LRRC7: variants seen among roughly 807,000 people sequenced by gnomAD.
LRRC7 encodes the protein leucine-rich repeat-containing protein 7.
A neutral mutation model predicts 175.7 loss-of-function variants in LRRC7; 23 were observed. That is an observed-to-expected ratio of 0.13 (90% CI 0.09 to 0.19). LRRC7 has a LOEUF of 0.19. Ranked by LOEUF, LRRC7 falls within the 10% of genes least tolerant of loss-of-function variation. LRRC7 has a pLI of 1.00. For synonymous variants in LRRC7, 685 were observed against 680.9 expected, an observed-to-expected ratio of 1.01 and a Z score of -0.09; for missense variants, 1,354 against 1,904.7, an observed-to-expected ratio of 0.71 and a Z score of 5.38.
chr1:69,682,145 G>T (rs772993083), intron 2 of LRRC7, among the ~76,000 whole-genome samples: 10 of 152,066 alleles, frequency 6.6e-5, no homozygotes, highest in Non-Finnish European at 5.9e-5. Context: ...GACTCCAGAA[G>T]CTCCTTGCTG....
intron 1 of LRRC7, among the ~76,000 whole-genome samples, chr1:69,643,899 T>A (rs921114583): frequency 3.9e-5 from 6 of 151,962 alleles, no homozygotes; most frequent in Non-Finnish European, 5.9e-5. Flanking sequence ...TCCCTAAATG[T>A]CCTAAATTAA....
intron 8 of LRRC7, among the ~76,000 whole-genome samples, chr1:69,973,928 A>C (rs1652541265): frequency 6.6e-6 from 1 of 152,198 alleles, no homozygotes; most frequent in Non-Finnish European, 1.5e-5. Flanking sequence ...GAGAAAAAAC[A>C]CTGCAGCTGT....
At chr1:69,786,624 C>T (rs937456159) in intron 3 of LRRC7, among the ~76,000 whole-genome samples, 1 of 152,172 alleles carries the variant, frequency 6.6e-6, no homozygotes, top group African/African-American at 2.4e-5. Context: ...AAAGGCACAT[C>T]TCACATGCTG....
At chr1:69,974,926 C>A (rs1652653908) in intron 8 of LRRC7, among the ~76,000 whole-genome samples, 1 of 152,162 alleles carries the variant, frequency 6.6e-6, no homozygotes, top group Admixed American at 6.5e-5. Flanking sequence ...AAGACCTGAG[C>A]AGCAATATCA....
chr1:69,740,057 T>G (rs1205234799), intron 2 of LRRC7, among the ~76,000 whole-genome samples: 2 of 152,136 alleles, frequency 1.3e-5, no homozygotes, highest in East Asian at 3.9e-4. Flanking sequence ...GGTTAGAGGT[T>G]CTACTATATG....
At position 70,141,352 on chromosome 1, in the gene LRRC7, C is replaced by CTCTG. The variant is rs1667055324; in HGVS notation, c.*19469_*19472dup. ...TAGCTTCATGCAGACTTTGGCCCAACTCTGTCTACAAATACTTTTGCAAAT... is the reference window on the plus strand; with the variant it reads ...TAGCTTCATGCAGACTTTGGCCCAACTCTGTCTGTCTACAAATACTTTTGCAAAT... On this transcript the variant is annotated 3_prime_UTR_variant, in exon 27 of 27. Transcript: ENST00000651989. 1 of 152,124 alleles carries CTCTG rather than the reference C, an allele frequency of 6.6e-6. No homozygotes were observed. Among genetic ancestry groups the CTCTG allele is most frequent in the Non-Finnish European group, 1.5e-5 (1 of 67,996 alleles). 9.4% of individuals were successfully genotyped at this position (152,124 alleles called of 1,614,324 possible).
Position 70,132,457 on chromosome 1 carries a change from C to CTTTTTTTTTTTTT in LRRC7, c.*10584_*10596dup, listed in dbSNP as rs149091576. On this transcript the variant is annotated 3_prime_UTR_variant, in exon 27 of 27. Transcript: ENST00000651989. ...TTTCTTTTTTCTTTTCTTTTCTTTTCTTTTTTTTTTTTTTTTTTTTTTTTT... is the reference window on the plus strand; with the variant it reads ...TTTCTTTTTTCTTTTCTTTTCTTTTCTTTTTTTTTTTTTTTTTTTTTTTTTTTTTTTTTTTTTT... Among the ~76,000 whole-genome samples, 4 of 76,450 alleles carry CTTTTTTTTTTTTT rather than the reference C, an allele frequency of 5.2e-5. No homozygotes were observed. Among genetic ancestry groups the CTTTTTTTTTTTTT allele is most frequent in the Admixed American group, 2.0e-4 (1 of 4,956 alleles). The allele number at this position is 76,450 out of a possible 152,430, so 50.2% of individuals were successfully genotyped here.
At position 70,134,126 on chromosome 1, in the gene LRRC7, T is replaced by C. The variant is rs575109521; in HGVS notation, c.*12239T>C. Among the ~76,000 whole-genome samples the C allele has an allele frequency of 2.0e-5, 3 of 152,306 alleles. No homozygotes were observed. In the East Asian group the frequency reaches 5.8e-4, roughly 29 times the overall value. On this transcript the variant is annotated 3_prime_UTR_variant, in exon 27 of 27. Transcript: ENST00000651989. ...ATGAGTAATCAGCATAATATGACAATCAGATTTTATTTTATTATGAAGTGA... is the reference window on the plus strand; with the variant it reads ...ATGAGTAATCAGCATAATATGACAACCAGATTTTATTTTATTATGAAGTGA...
intron 2 of LRRC7, among the ~76,000 whole-genome samples, chr1:69,678,815 A>G (rs1373174583): frequency 6.6e-6 from 1 of 152,096 alleles, no homozygotes; most frequent in African/African-American, 2.4e-5. Context: ...AAGTAAAGAA[A>G]CTTTTGAAAT....
At chr1:69,896,847 G>A (rs1405790750) in intron 7 of LRRC7, among the ~76,000 whole-genome samples, 1 of 152,062 alleles carries the variant, frequency 6.6e-6, no homozygotes, top group Non-Finnish European at 1.5e-5. Flanking sequence ...ACCCTTAGAT[G>A]AATACTATAA....
chr1:69,680,721 T>TA lies in LRRC7; in HGVS notation c.100+2247dup, dbSNP rs754916950. On this transcript the variant is annotated intron_variant, in intron 2 of 26. Transcript: ENST00000651989. ...AATGGAAGCAACATATCATGGTAGT[T>TA]AAAACTATTAACTTTAGAGACACAT... Among the ~76,000 whole-genome samples, 62 of 151,874 alleles carry TA rather than the reference T, an allele frequency of 4.1e-4. 1 individual carries two copies. The Middle Eastern group carries it at 0.02, about 50-fold the overall frequency.
At position 70,071,657 on chromosome 1, in the gene LRRC7, C is replaced by T. The variant is rs576079801; in HGVS notation, c.4231-4420C>T. On this transcript the variant is annotated intron_variant, in intron 23 of 26. Coordinates refer to ENST00000651989, the MANE Select transcript of LRRC7 (RefSeq NM_001370785.2). Reference sequence around the variant, plus strand: ...CTTTGGAGATGATTCTGCTTCCAGACATTTTAAGAACTCTTTTGGATTTAA... The same window carrying T: ...CTTTGGAGATGATTCTGCTTCCAGATATTTTAAGAACTCTTTTGGATTTAA... 1.6e-4 allele frequency among the ~76,000 whole-genome samples: 25 copies of T among 152,222 alleles called. No individual in the cohort carries two copies. In the South Asian group the frequency reaches 5.0e-3, roughly 30 times the overall value.
chr1:69,651,099 G>A (rs1387276271), intron 1 of LRRC7, among the ~76,000 whole-genome samples: 3 of 152,184 alleles, frequency 2.0e-5, no homozygotes. Flanking sequence ...TGACATGCTG[G>A]AGGTACCATA....
intron 3 of LRRC7, among the ~76,000 whole-genome samples, chr1:69,763,982 T>C (rs17097452): frequency 0.058 from 8,894 of 152,082 alleles, 322 homozygotes; most frequent in South Asian, 0.12. Context: ...TAAGATGTTA[T>C]GTAATACAAT....
chr1:69,810,263 A>T (rs1303962068), intron 4 of LRRC7, among the ~76,000 whole-genome samples: 1 of 152,194 alleles, frequency 6.6e-6, no homozygotes, highest in Non-Finnish European at 1.5e-5. Context: ...CTGCTCAAGG[A>T]AATAAGAGAG....
rs551673757 is a variant in LRRC7 at position 70,143,962 on chromosome 1, A to T, written c.*22075A>T. On this transcript the variant is annotated 3_prime_UTR_variant, in exon 27 of 27. Coordinates refer to ENST00000651989, the MANE Select transcript of LRRC7 (RefSeq NM_001370785.2). ...GACATATTTACTACTTTATTAACAT[A>T]GATCGTGAATGTACTTACTGGTTTT... is the stretch of plus-strand genomic sequence containing the variant. The T allele has an allele frequency of 8.5e-5, 13 of 152,338 alleles. 1 individual carries two copies. Among genetic ancestry groups the T allele is most frequent in the Admixed American group, 8.5e-4 (13 of 15,294 alleles). The allele number at this position is 152,338 out of a possible 1,614,324, so 9.4% of individuals were successfully genotyped here. A position where few individuals can be genotyped will look rare whatever the true frequency, so the allele number is the denominator to read the frequency against.
At chr1:69,581,118 TACTG>T (rs1490476726) in intron 1 of LRRC7, among the ~76,000 whole-genome samples, 1 of 152,160 alleles carries the variant, frequency 6.6e-6, no homozygotes, top group Non-Finnish European at 1.5e-5. Context: ...TCCAAGGACT[TACTG>T]ACCAGGTTAA....
At chr1:69,717,759 A>G in intron 2 of LRRC7, among the ~76,000 whole-genome samples, 1 of 42,520 alleles carries the variant, frequency 2.4e-5, no homozygotes, top group African/African-American at 1.5e-4. Flanking sequence ...TTGGAACATG[A>G]AAAAAAGAAA....
intron 3 of LRRC7, among the ~76,000 whole-genome samples, chr1:69,760,703 A>G (rs369383069): frequency 6.6e-6 from 1 of 151,970 alleles, no homozygotes; most frequent in East Asian, 1.9e-4. Context: ...GTTTATGTTT[A>G]GAAAGAAAGG....
Sources: gnomAD v4.1 joint callset for allele counts (sites outside exome capture counted in the v4.1 genomes callset) on GRCh38, gnomAD v4.1.1 for gene constraint, MANE v1.5 for transcripts, NCBI Gene and HGNC (gene_info 2026-07-23, HGNC 2026-07-21) for gene names.